The following OCA2 variants were observed in gnomAD, a reference collection of about 807,000 sequenced individuals.
OCA2 encodes P protein.
In OCA2, 77 loss-of-function variants were observed where a neutral mutation model predicts 100.2. The observed-to-expected ratio is 0.77, with a 90% CI of 0.64 to 0.93. The LOEUF is 0.93. Among genes scored for constraint, OCA2 ranks in the 40% least tolerant of loss-of-function variants. The probability of loss-of-function intolerance (pLI) is 0.00; values close to 1 mark genes in which losing one functional copy is unlikely to be tolerated. For synonymous variants in OCA2, 432 were observed against 439.2 expected, an observed-to-expected ratio of 0.98 and a Z score of 0.21; for missense variants, 1,062 against 1,089.1, an observed-to-expected ratio of 0.98 and a Z score of 0.35.
At chr15:28,087,285 ACAGTCAAGC>A (rs926430397) in intron 1 of OCA2, among the ~76,000 whole-genome samples, 40 of 152,266 alleles carry the variant, frequency 2.6e-4, no homozygotes, top group Admixed American at 2.4e-3. Context: ...AGAGGAAGGA[ACAGTCAAGC>A]CAGAAGCCTA....
At chr15:27,906,841 A>T (rs766933057) in intron 19 of OCA2, among the ~76,000 whole-genome samples, 17 of 152,232 alleles carry the variant, frequency 1.1e-4, no homozygotes, top group Non-Finnish European at 1.5e-4. Flanking sequence ...GCAGACACCA[A>T]CATCCACTCA....
At chr15:27,884,106 G>T (rs1011935349) in intron 19 of OCA2, among the ~76,000 whole-genome samples, 1 of 152,164 alleles carries the variant, frequency 6.6e-6, no homozygotes, top group Non-Finnish European at 1.5e-5. Context: ...AATGTGCCAG[G>T]CGTGGTGACT....
intron 23 of OCA2, among the ~76,000 whole-genome samples, chr15:27,802,235 T>C (rs530234475): frequency 5.0e-4 from 76 of 152,234 alleles, no homozygotes; most frequent in African/African-American, 1.8e-3. Flanking sequence ...AGAAACAAAG[T>C]TGACAAAATA....
chr15:27,870,822 A>AAG (rs2036535598), intron 21 of OCA2, among the ~76,000 whole-genome samples: 1 of 137,182 alleles, frequency 7.3e-6, no homozygotes, highest in Non-Finnish European at 1.5e-5. Flanking sequence ...GAGAGAGAGA[A>AAG]AGAAAGAAAG....
At chr15:27,829,525 G>A (rs796755505) in intron 23 of OCA2, among the ~76,000 whole-genome samples, 8 of 152,312 alleles carry the variant, frequency 5.3e-5, no homozygotes, top group African/African-American at 1.7e-4. Flanking sequence ...CACTAGATAT[G>A]CAGTGACAAG....
chr15:27,985,688 T>C (rs1291653953), intron 12 of OCA2, among the ~76,000 whole-genome samples: 1 of 147,718 alleles, frequency 6.8e-6, no homozygotes, highest in Non-Finnish European at 1.5e-5. Flanking sequence ...AAGGGCTTTG[T>C]TGAGTAATTT....
At chr15:27,826,062 A>T (rs17674163) in intron 23 of OCA2, among the ~76,000 whole-genome samples, 76,804 of 152,038 alleles carry the variant, frequency 0.51, 20,002 homozygotes, top group South Asian at 0.76. Context: ...TACAAGGACT[A>T]CCCATGAGCC....
At chr15:27,769,367 AG>A (rs1304313682) in intron 23 of OCA2, among the ~76,000 whole-genome samples, 3 of 152,240 alleles carry the variant, frequency 2.0e-5, no homozygotes, top group African/African-American at 4.8e-5. Flanking sequence ...TAAGGAACCA[AG>A]GCTTCCGGAT....
At chr15:27,969,831 T>G (rs1191857905) in intron 14 of OCA2, among the ~76,000 whole-genome samples, 1 of 149,964 alleles carries the variant, frequency 6.7e-6, no homozygotes, top group East Asian at 1.9e-4. Context: ...CTGTGACAAG[T>G]CAAAATGGTC....
At chr15:27,770,914 CCTCCCTCCCT>C (rs2031753240) in intron 23 of OCA2, among the ~76,000 whole-genome samples, 1 of 123,026 alleles carries the variant, frequency 8.1e-6, no homozygotes. Context: ...TTCCTTCCCT[CCTCCCTCCCT>C]CTTTTCCTTT....
intron 19 of OCA2, among the ~76,000 whole-genome samples, chr15:27,907,943 T>G (rs2038239362): frequency 6.6e-6 from 1 of 152,124 alleles, no homozygotes; most frequent in Non-Finnish European, 1.5e-5. Context: ...AAAAACCAGA[T>G]AGTCACAATT....
At position 27,845,015 on chromosome 15, in the gene OCA2, CACG is replaced by C. The variant is rs1364525160; in HGVS notation, c.2373_2375del (p.Val792del). ...CATGCTGTTCTGCAATCCCTGCACA[CACG>C]ACGTTTGCCGACGCGCCAATCAGTG... On this transcript the variant is annotated inframe_deletion, in exon 23 of 24. Coordinates refer to ENST00000354638, the MANE Select transcript of OCA2 (RefSeq NM_000275.3). 5.0e-6 allele frequency: 8 copies of C among 1,614,042 alleles called. No individual in the cohort carries two copies. Among genetic ancestry groups the C allele is most frequent in the Admixed American group, 1.7e-5 (1 of 60,010 alleles).
At chr15:27,793,873 G>A (rs963383179) in intron 23 of OCA2, among the ~76,000 whole-genome samples, 9 of 152,276 alleles carry the variant, frequency 5.9e-5, no homozygotes, top group South Asian at 2.1e-4. Context: ...CCTGGGCTGC[G>A]TGAATGGACG....
intron 9 of OCA2, among the ~76,000 whole-genome samples, chr15:27,995,150 G>C (rs2041680686): frequency 6.6e-6 from 1 of 152,104 alleles, no homozygotes; most frequent in South Asian, 2.1e-4. Context: ...GATAAAGGGA[G>C]AAATTGAAAG....
At chr15:28,071,306 AC>A (rs1410652081) in intron 2 of OCA2, among the ~76,000 whole-genome samples, 1 of 152,250 alleles carries the variant, frequency 6.6e-6, no homozygotes, top group African/African-American at 2.4e-5. Context: ...ATGCTCATGG[AC>A]TGGAATAATC....
chr15:27,971,506 C>T (rs991981730), intron 14 of OCA2, among the ~76,000 whole-genome samples: 2 of 152,178 alleles, frequency 1.3e-5, no homozygotes, highest in South Asian at 2.1e-4. Context: ...ACAGCCAGGC[C>T]GACTCATGCT....
chr15:27,849,836 T>C (rs958632741), intron 22 of OCA2, among the ~76,000 whole-genome samples: 6 of 152,166 alleles, frequency 3.9e-5, no homozygotes, highest in Non-Finnish European at 7.3e-5. Flanking sequence ...TATTTTACCA[T>C]AATTTCTGTA....
chr15:28,051,622 T>TTC (rs1434025246), intron 2 of OCA2, among the ~76,000 whole-genome samples: 2 of 127,542 alleles, frequency 1.6e-5, no homozygotes, highest in Non-Finnish European at 3.1e-5. Flanking sequence ...TTTTTTTTTT[T>TTC]AATAGACACA....
At chr15:27,917,322 T>G (rs904749521) in intron 19 of OCA2, among the ~76,000 whole-genome samples, 23 of 152,284 alleles carry the variant, frequency 1.5e-4, no homozygotes, top group Admixed American at 1.4e-3. Context: ...AATAGACTAT[T>G]CTAAAGATAA....
Sources: gnomAD v4.1 joint callset for allele counts (sites outside exome capture counted in the v4.1 genomes callset) on GRCh38, gnomAD v4.1.1 for gene constraint, MANE v1.5 for transcripts, NCBI Gene and HGNC (gene_info 2026-07-23, HGNC 2026-07-21) for gene names.